The following ASXL2 variants were observed in gnomAD, a reference collection of about 807,000 sequenced individuals.
ASXL2 encodes ASXL transcriptional regulator 2.
In ASXL2, 23 loss-of-function variants were observed where a neutral mutation model predicts 122.0. The ratio of observed to expected loss-of-function variants is 0.19; its 90% confidence interval spans 0.14 to 0.27. The LOEUF is 0.27. Among genes scored for constraint, ASXL2 ranks in the 10% least tolerant of loss-of-function variants. The probability of loss-of-function intolerance (pLI) is 1.00; values close to 1 mark genes in which losing one functional copy is unlikely to be tolerated. For missense variants in ASXL2, 1,518 were observed against 1,713.8 expected (o/e 0.89, Z 2.02); for synonymous variants, 650 against 637.0 (o/e 1.02, Z -0.31).
Position 25,813,141 on chromosome 2 carries a change from C to T in ASXL2, c.144-6804G>A, listed in dbSNP as rs143772812. Among the ~76,000 whole-genome samples the T allele has an allele frequency of 2.1e-3, 313 of 152,200 alleles. 3 individuals carry two copies. The Middle Eastern group carries it at 0.034, about 17-fold the overall frequency. On this transcript the variant is annotated intron_variant, in intron 3 of 12. Transcript: ENST00000435504. ...GGTATTCAGTTCCAATATTAAGTAC[C>T]CACTCTGTTTAGGGCAGTAAACTAG...
chr2:25,860,473 T>C (rs558279159), intron 1 of ASXL2, among the ~76,000 whole-genome samples: 46 of 152,218 alleles, frequency 3.0e-4, no homozygotes, highest in Non-Finnish European at 6.2e-4. Context: ...CCCAGCACTT[T>C]GGGAAGCCAA....
At chr2:25,782,009 T>C (rs976668228) in intron 5 of ASXL2, among the ~76,000 whole-genome samples, 2 of 141,236 alleles carry the variant, frequency 1.4e-5, no homozygotes, top group African/African-American at 5.4e-5. Flanking sequence ...CTCGCTATGT[T>C]TGTCCAGGTT....
intron 4 of ASXL2, among the ~76,000 whole-genome samples, chr2:25,800,839 A>G (rs920809629): frequency 6.6e-6 from 1 of 152,256 alleles, no homozygotes; most frequent in African/African-American, 2.4e-5. Flanking sequence ...CACGCCCAAC[A>G]TAAGAGGTCA....
At chr2:25,832,444 CAG>C (rs1227412027) in intron 3 of ASXL2, among the ~76,000 whole-genome samples, 4 of 151,628 alleles carry the variant, frequency 2.6e-5, no homozygotes, top group African/African-American at 9.7e-5. Flanking sequence ...AAAAGAGAAA[CAG>C]AGGAATGAGA....
At chr2:25,841,911 C>T (rs1395169460) in intron 2 of ASXL2, among the ~76,000 whole-genome samples, 1 of 149,166 alleles carries the variant, frequency 6.7e-6, no homozygotes, top group Non-Finnish European at 1.5e-5. Context: ...GGCGTCACTG[C>T]ACTCCAGCCT....
At chr2:25,873,122 T>C (rs905282661) in intron 1 of ASXL2, among the ~76,000 whole-genome samples, 4 of 152,026 alleles carry the variant, frequency 2.6e-5, no homozygotes, top group Non-Finnish European at 5.9e-5. Flanking sequence ...GTCCCCAAAG[T>C]CCATTCCATT....
chr2:25,796,577 C>A (rs768775504), intron 5 of ASXL2, among the ~76,000 whole-genome samples: 1 of 152,170 alleles, frequency 6.6e-6, no homozygotes, highest in East Asian at 1.9e-4. Flanking sequence ...TATTCCCTAA[C>A]GAAAGCTTTT....
intron 1 of ASXL2, among the ~76,000 whole-genome samples, chr2:25,873,876 C>T (rs1016097841): frequency 3.3e-5 from 5 of 152,084 alleles, no homozygotes; most frequent in African/African-American, 1.2e-4. Flanking sequence ...GACTCTTTCA[C>T]CTTTTAATGC....
At chr2:25,815,259 C>T (rs2089219240) in intron 3 of ASXL2, among the ~76,000 whole-genome samples, 1 of 152,034 alleles carries the variant, frequency 6.6e-6, no homozygotes, top group Non-Finnish European at 1.5e-5. Context: ...CTGACCTTGA[C>T]CAAAATAATC....
intron 3 of ASXL2, chr2:25,822,714 G>C (rs2089327348): frequency 1.4e-6 from 1 of 707,382 alleles, no homozygotes; most frequent in Admixed American, 1.9e-5. Context: ...AGGAGAATCT[G>C]GCCAGTCATA....
intron 1 of ASXL2, among the ~76,000 whole-genome samples, chr2:25,873,260 T>C (rs1158601187): frequency 6.6e-6 from 1 of 152,102 alleles, no homozygotes; most frequent in Non-Finnish European, 1.5e-5. Flanking sequence ...CTTTCTATAA[T>C]TTGTATTATA....
chr2:25,863,693 A>C (rs2089864935), intron 1 of ASXL2, among the ~76,000 whole-genome samples: 2 of 151,622 alleles, frequency 1.3e-5, no homozygotes, highest in East Asian at 1.9e-4. Flanking sequence ...ACTCTGTCTC[A>C]AAAACAAAAA....
chr2:25,849,079 A>ATATATATATCTATATATATAT (rs1265031772), intron 1 of ASXL2, among the ~76,000 whole-genome samples: 1 of 136,742 alleles, frequency 7.3e-6, no homozygotes, highest in Non-Finnish European at 1.5e-5. Flanking sequence ...ATATATATGG[A>ATATATATATCTATATATATAT]ATATTTATTT....
chr2:25,852,081 A>G (rs1250040744), intron 1 of ASXL2, among the ~76,000 whole-genome samples: 1 of 152,194 alleles, frequency 6.6e-6, no homozygotes, highest in Non-Finnish European at 1.5e-5. Context: ...GTAGTTTTGC[A>G]AAACTGTTAG....
At chr2:25,836,758 A>T (rs910265715) in intron 2 of ASXL2, among the ~76,000 whole-genome samples, 1 of 152,172 alleles carries the variant, frequency 6.6e-6, no homozygotes, top group African/African-American at 2.4e-5. Context: ...TACTAATCTT[A>T]TAGTGTGAAA....
chr2:25,810,230 T>C (rs1398551534), intron 3 of ASXL2: 1 of 609,196 alleles, frequency 1.6e-6, no homozygotes, highest in African/African-American at 1.8e-5. Context: ...CCAGCTCAGC[T>C]CGTTCCTCTG....
rs769173607 is a variant in ASXL2, at chr2:25,743,185, G to A, written c.3152C>T (p.Thr1051Ile). The part of the protein sequence containing the change: ...AKELRDSSID[T>I]HQYHEGLSKA... ...ACTTAGTCCTTCGTGGTATTGGTGTGTGTCAATGCTGGAGTCCCTCAGCTC... is the reference window on the plus strand; with the variant it reads ...ACTTAGTCCTTCGTGGTATTGGTGTATGTCAATGCTGGAGTCCCTCAGCTC... Residue 1051 changes from threonine to isoleucine, a missense_variant, in exon 13 of 13, where the codon ACA (threonine) becomes ATA (isoleucine). Thr to Ile is a moderately conservative substitution (Grantham distance 89). Coordinates refer to ENST00000435504, the MANE Select transcript of ASXL2 (RefSeq NM_018263.6). The A allele has an allele frequency of 6.2e-6, 10 of 1,613,882 alleles. No individual in the cohort carries two copies. In the South Asian group the frequency reaches 1.1e-4, roughly 18 times the overall value.
chr2:25,814,842 C>A lies in ASXL2; in HGVS notation c.144-8505G>T, dbSNP rs145952228. Among the ~76,000 whole-genome samples the A allele has an allele frequency of 4.7e-4, 72 of 152,216 alleles. 1 individual carries two copies. In the East Asian group the frequency reaches 0.014, roughly 29 times the overall value. On this transcript the variant is annotated intron_variant, in intron 3 of 12. Transcript: ENST00000435504. ...GGAGTCATCACTGCATGGTAAAGAGCCAGATTTAATGATTCATACCAATCT... is the reference window on the plus strand; with the variant it reads ...GGAGTCATCACTGCATGGTAAAGAGACAGATTTAATGATTCATACCAATCT...
At chr2:25,875,919 G>T (rs1326200527) in intron 1 of ASXL2, among the ~76,000 whole-genome samples, 4 of 151,926 alleles carry the variant, frequency 2.6e-5, no homozygotes, top group African/African-American at 7.3e-5. Flanking sequence ...TTATTCTACA[G>T]TCTGAAATAT....
Sources: allele counts gnomAD v4.1 joint callset (sites outside exome capture counted in the v4.1 genomes callset), GRCh38; gene constraint gnomAD v4.1.1; transcripts MANE v1.5; gene names NCBI Gene and HGNC (gene_info 2026-07-23, HGNC 2026-07-21).